Variants in EYA2 observed in about 807,000 individuals in gnomAD.
EYA2 encodes the protein EYA transcriptional coactivator and phosphatase 2.
In EYA2, 31 loss-of-function variants were observed where a neutral mutation model predicts 69.2. The observed-to-expected ratio is 0.45, with a 90% CI of 0.34 to 0.60. EYA2 has a LOEUF of 0.60. Ranked by LOEUF, EYA2 falls within the 20% of genes least tolerant of loss-of-function variation. The pLI is 0.02. For missense variants in EYA2, 622 were observed against 701.2 expected (o/e 0.89, Z 1.28); for synonymous variants, 257 against 279.4 (o/e 0.92, Z 0.80).
At chr20:46,959,921 C>T (rs952458912) in intron 1 of EYA2, among the ~76,000 whole-genome samples, 3 of 152,200 alleles carry the variant, frequency 2.0e-5, no homozygotes, top group African/African-American at 7.2e-5. Context: ...AAAGCAGAGA[C>T]ATGCCGTGGG....
intron 12 of EYA2, among the ~76,000 whole-genome samples, chr20:47,176,536 A>G (rs1169941043): frequency 6.6e-6 from 1 of 152,170 alleles, no homozygotes; most frequent in Non-Finnish European, 1.5e-5. Context: ...CAGTATTCTA[A>G]ATATTCTAGA....
At chr20:47,020,209 G>A (rs1212181437) in intron 5 of EYA2, among the ~76,000 whole-genome samples, 2 of 152,240 alleles carry the variant, frequency 1.3e-5, no homozygotes, top group East Asian at 1.9e-4. Context: ...TTTTACAGAT[G>A]AGTAAACTGA....
chr20:47,155,203 C>T (rs568022276), intron 10 of EYA2, among the ~76,000 whole-genome samples: 1 of 151,924 alleles, frequency 6.6e-6, no homozygotes, highest in Non-Finnish European at 1.5e-5. Flanking sequence ...TATTAGATTC[C>T]TCTGCTGTGA....
chr20:46,959,184 T>A (rs928633848), intron 1 of EYA2, among the ~76,000 whole-genome samples: 1 of 152,216 alleles, frequency 6.6e-6, no homozygotes, highest in Non-Finnish European at 1.5e-5. Context: ...GAAATAAATA[T>A]GCAGTGGATG....
intron 10 of EYA2, among the ~76,000 whole-genome samples, chr20:47,163,342 T>C (rs1033505925): frequency 6.6e-6 from 1 of 152,116 alleles, no homozygotes; most frequent in Non-Finnish European, 1.5e-5. Context: ...GATGTATGAT[T>C]CTTTAACCTG....
intron 5 of EYA2, among the ~76,000 whole-genome samples, chr20:47,059,832 T>G (rs2030796488): frequency 6.6e-6 from 1 of 152,250 alleles, no homozygotes; most frequent in Non-Finnish European, 1.5e-5. Context: ...GGCCACTGTC[T>G]TGGTCTAGGA....
chr20:47,178,421 C>T (rs1232198348), intron 12 of EYA2, among the ~76,000 whole-genome samples: 1 of 151,568 alleles, frequency 6.6e-6, no homozygotes, highest in Non-Finnish European at 1.5e-5. Flanking sequence ...AAAGAGTGGT[C>T]CATGTTCTGA....
intron 5 of EYA2, among the ~76,000 whole-genome samples, chr20:47,048,021 T>C (rs2030136058): frequency 1.3e-5 from 2 of 151,856 alleles, no homozygotes; most frequent in African/African-American, 4.8e-5. Context: ...GGCTCACTGA[T>C]AATCCAGGAT....
At chr20:47,045,646 C>T (rs1157975083) in intron 5 of EYA2, among the ~76,000 whole-genome samples, 1 of 152,188 alleles carries the variant, frequency 6.6e-6, no homozygotes, top group Non-Finnish European at 1.5e-5. Flanking sequence ...TGTCTTCTTC[C>T]TCAACTCTTT....
chr20:47,102,059 G>C (rs945443553), intron 9 of EYA2, among the ~76,000 whole-genome samples: 3 of 152,210 alleles, frequency 2.0e-5, no homozygotes, highest in Non-Finnish European at 4.4e-5. Flanking sequence ...GGATACCTGG[G>C]ATTCAGGTCT....
intron 5 of EYA2, among the ~76,000 whole-genome samples, chr20:47,041,854 A>G (rs1985089503): frequency 6.6e-6 from 1 of 151,950 alleles, no homozygotes. Flanking sequence ...TTTTTAATTT[A>G]CAGACTTCTT....
intron 1 of EYA2, among the ~76,000 whole-genome samples, chr20:46,950,802 G>A (rs1978750024): frequency 1.3e-5 from 2 of 152,180 alleles, no homozygotes; most frequent in South Asian, 4.1e-4. Flanking sequence ...CTGACCTCAA[G>A]ATCAGGGCTC....
intron 8 of EYA2, among the ~76,000 whole-genome samples, chr20:47,090,452 C>T (rs2146507254): frequency 6.6e-6 from 1 of 152,136 alleles, no homozygotes; most frequent in East Asian, 1.9e-4. Context: ...GTTGGCCAGG[C>T]TGGTCTTGAA....
intron 12 of EYA2, among the ~76,000 whole-genome samples, chr20:47,173,999 G>T (rs1385766082): frequency 6.6e-6 from 1 of 152,210 alleles, no homozygotes; most frequent in Non-Finnish European, 1.5e-5. Flanking sequence ...CACTGAAGGC[G>T]AGGCTGGCTC....
At chr20:46,978,537 GA>G in intron 1 of EYA2, 1 of 534,454 alleles carries the variant, frequency 1.9e-6, no homozygotes, top group South Asian at 1.4e-5. Context: ...GCTGGAATCA[GA>G]TATTGGACAA....
chr20:46,902,698 G>A (rs961388282), intron 1 of EYA2, among the ~76,000 whole-genome samples: 2 of 152,192 alleles, frequency 1.3e-5, no homozygotes, highest in African/African-American at 4.8e-5. Context: ...AGTAAGAGAC[G>A]CCAGCAGATT....
chr20:47,119,187 G>T (rs76041503), intron 9 of EYA2, among the ~76,000 whole-genome samples: 3,206 of 152,248 alleles, frequency 0.021, 100 homozygotes, highest in African/African-American at 0.073. Flanking sequence ...TTCTTCCAGC[G>T]TCCAAAGATT....
chr20:47,153,046 T>TG (rs1460997768), intron 10 of EYA2, among the ~76,000 whole-genome samples: 1 of 151,856 alleles, frequency 6.6e-6, no homozygotes, highest in Non-Finnish European at 1.5e-5. Flanking sequence ...CCCAATATGT[T>TG]GGACAGTCTT....
At chr20:47,017,602 A>G (rs1365414383) in intron 5 of EYA2, among the ~76,000 whole-genome samples, 1 of 148,402 alleles carries the variant, frequency 6.7e-6, no homozygotes, top group African/African-American at 2.5e-5. Context: ...TAGGGAAAGC[A>G]GGTGATAAGC....
Sources: gnomAD v4.1 joint callset for allele counts (sites outside exome capture counted in the v4.1 genomes callset) on GRCh38, gnomAD v4.1.1 for gene constraint, MANE v1.5 for transcripts, NCBI Gene and HGNC (gene_info 2026-07-23, HGNC 2026-07-21) for gene names.